The following MAP4K5 variants were observed in gnomAD, a reference collection of about 807,000 sequenced individuals.
MAP4K5 encodes the protein MAPK/ERK kinase kinase kinase 5.
Under a neutral mutation model 135.6 loss-of-function variants are expected in MAP4K5, and 82 were observed. That is an observed-to-expected ratio of 0.60 (90% confidence interval 0.51 to 0.73). The LOEUF is 0.73. MAP4K5 is among the 30% of genes least tolerant of loss of function. The pLI is 0.00. For missense variants in MAP4K5, 907 were observed against 1,010.9 expected, an observed-to-expected ratio of 0.90 and a Z score of 1.39; for synonymous variants, 347 against 335.0, an observed-to-expected ratio of 1.04 and a Z score of -0.39.
chr14:50,429,287 A>T, intron 28 of MAP4K5, 27 bp from the exon 29 acceptor site: 1 of 1,423,876 alleles, frequency 7.0e-7, no homozygotes, highest in Non-Finnish European at 9.6e-7. Flanking sequence ...CAAGGTTACA[A>T]TTATACTTTT....
chr14:50,483,672 T>C (rs2037301270), intron 5 of MAP4K5, among the ~76,000 whole-genome samples: 1 of 148,312 alleles, frequency 6.7e-6, no homozygotes, highest in Non-Finnish European at 1.5e-5. Context: ...AGTCAGAATT[T>C]CATGAAAAAA....
chr14:50,534,209 C>T (rs748833498), upstream of MAP4K5, among the ~76,000 whole-genome samples: 4 of 152,108 alleles, frequency 2.6e-5, no homozygotes, highest in Admixed American at 6.6e-5. Flanking sequence ...TGCGTTACTC[C>T]AGGGAATTTC....
intron 10 of MAP4K5, 153 bp downstream of exon 10, chr14:50,468,498 C>T (rs2139837749): frequency 2.9e-6 from 2 of 691,312 alleles, no homozygotes; most frequent in East Asian, 2.8e-5. Context: ...TCGGACTAGC[C>T]CACAATAGGT....
Position 50,456,582 on chromosome 14 carries a change from T to C in MAP4K5, c.949A>G (p.Ile317Val), listed in dbSNP as rs2036599258. 6.4e-7 allele frequency: 1 copy of C among 1,572,272 alleles called. No homozygotes were observed. Among genetic ancestry groups the C allele is most frequent in the African/African-American group, 1.3e-5 (1 of 74,092 alleles). ...TTTGTAGATCTAATGGTATGACGAA[T>C]GATTGCATGGGGCTGTGAATATAAG... ...DDDDFEPHAI[I>V]RHTIRSTNRN... is the part of the protein sequence containing the mutation. The change falls in exon 14 of 33, where the codon ATT becomes GTT. Residue 317 changes from isoleucine (I) to valine (V), a missense_variant. Physicochemically the swap from Ile to Val is conservative, Grantham distance 29. Around this residue, in one of 3 missense-constraint regions of MAP4K5, gnomAD observed 690 missense variants for 777.4 expected, o/e 0.89. Coordinates refer to ENST00000682126, the MANE Select transcript of MAP4K5 (RefSeq NM_006575.6).
At chr14:50,433,945 T>A (rs2036031728) in intron 28 of MAP4K5, among the ~76,000 whole-genome samples, 2 of 152,204 alleles carry the variant, frequency 1.3e-5, no homozygotes, top group Non-Finnish European at 2.9e-5. Flanking sequence ...TATGTCTGAT[T>A]TAAATGGAAA....
chr14:50,497,718 A>G (rs28718967), intron 3 of MAP4K5, among the ~76,000 whole-genome samples: 2,249 of 152,338 alleles, frequency 0.015, 44 homozygotes, highest in African/African-American at 0.052. Context: ...ACATCTATTC[A>G]AAGATATTTA....
At chr14:50,459,657 C>T (rs2036665695) in intron 13 of MAP4K5, among the ~76,000 whole-genome samples, 1 of 151,864 alleles carries the variant, frequency 6.6e-6, no homozygotes, top group Non-Finnish European at 1.5e-5. Flanking sequence ...CTTCCTTCTT[C>T]CTTGTTTTCT....
Position 50,476,177 on chromosome 14 carries a change from CA to C in MAP4K5, c.427-8del. 6.7e-7 allele frequency: 1 copy of C among 1,501,260 alleles called. No homozygotes were observed. Among genetic ancestry groups the C allele is most frequent in the Non-Finnish European group, 9.0e-7 (1 of 1,113,314 alleles). 93.0% of individuals were successfully genotyped at this position (1,501,260 alleles called of 1,614,324 possible). On this transcript the variant is annotated splice_region_variant and splice_polypyrimidine_tract_variant and intron_variant, in intron 7 of 32. Transcript: ENST00000682126. Reference sequence around the variant, plus strand: ...TCAATAAAATATTAGCACCCTAGAACAAAAATACAAATACAATTAAATTAGC... The same window carrying C: ...TCAATAAAATATTAGCACCCTAGAACAAAATACAAATACAATTAAATTAGC...
chr14:50,474,405 A>C (rs903823478), intron 9 of MAP4K5, among the ~76,000 whole-genome samples: 2 of 152,014 alleles, frequency 1.3e-5, no homozygotes, highest in Non-Finnish European at 2.9e-5. Context: ...AAAAAAAAAG[A>C]ATCTAACCTT....
At chr14:50,460,208 C>T (rs937135791) in intron 13 of MAP4K5, among the ~76,000 whole-genome samples, 3 of 152,058 alleles carry the variant, frequency 2.0e-5, no homozygotes, top group East Asian at 1.9e-4. Flanking sequence ...CACCTTTTAC[C>T]TCCCATTCCA....
chr14:50,479,515 C>T (rs1054810179), intron 6 of MAP4K5, among the ~76,000 whole-genome samples: 4 of 152,076 alleles, frequency 2.6e-5, no homozygotes, highest in African/African-American at 9.7e-5. Context: ...TAATTTCATC[C>T]TTTGTTAATT....
chr14:50,444,640 C>T (rs1464612939), intron 18 of MAP4K5, among the ~76,000 whole-genome samples: 6 of 152,104 alleles, frequency 3.9e-5, no homozygotes, highest in African/African-American at 1.4e-4. Flanking sequence ...CTTTATCTCC[C>T]TCAGAAATCT....
intron 6 of MAP4K5, among the ~76,000 whole-genome samples, chr14:50,480,403 C>CTTTTTTTTT (rs11412178): frequency 7.0e-6 from 1 of 143,396 alleles, no homozygotes; most frequent in Non-Finnish European, 1.5e-5. Flanking sequence ...CTCATTCTTT[C>CTTTTTTTTT]TTTTTTTTTT....
In MAP4K5 at chr14:50,531,901, C is replaced by G. The variant is rs374201669; in HGVS notation, c.108+41G>C. 3.3e-4 allele frequency: 457 copies of G among 1,374,542 alleles called. 2 individuals are homozygous for G. The South Asian group carries it at 4.2e-3, about 13-fold the overall frequency. The allele number at this position is 1,374,542 out of a possible 1,614,324, so 85.1% of individuals were successfully genotyped here. ...AGGAAAGTGGCCCCATTCCCGGGAC[C>G]CAGTCGACCGCAGGAAAAAAGCACG... On this transcript the variant is annotated intron_variant, in intron 2 of 32. Transcript: ENST00000682126.
chr14:50,457,057 GAAT>G (rs556419181), intron 13 of MAP4K5, among the ~76,000 whole-genome samples: 63 of 152,266 alleles, frequency 4.1e-4, no homozygotes, highest in African/African-American at 1.4e-3. Flanking sequence ...ACAGCAGAAA[GAAT>G]AAGAACAAAG....
chr14:50,508,408 C>T (rs1273212304), intron 2 of MAP4K5, among the ~76,000 whole-genome samples: 1 of 152,030 alleles, frequency 6.6e-6, no homozygotes, highest in Non-Finnish European at 1.5e-5. Flanking sequence ...GACTTCATGT[C>T]CTTTGTAGGG....
In MAP4K5 at chr14:50,434,970, A is replaced by G. The variant is rs376852703; in HGVS notation, c.1978T>C (p.Leu660=). Residue 660 remains leucine, a synonymous_variant, in exon 27 of 33, where the codon TTG becomes CTG. Coordinates refer to ENST00000682126, the MANE Select transcript of MAP4K5 (RefSeq NM_006575.6). ...AACAAAATAATATATACCTTTATCA[A>G]CATGAATTTCTGCATTGGCTCATAC... ...QWYEPMQKFM[L]IKHFDFPLPS... The G allele has an allele frequency of 3.8e-6, 6 of 1,597,400 alleles. No individual in the cohort carries two copies. The highest frequency in any genetic ancestry group is 1.7e-5 in the Admixed American group (1 of 59,562).
chr14:50,477,139 T>G (rs1277375069), intron 6 of MAP4K5, among the ~76,000 whole-genome samples: 1 of 152,194 alleles, frequency 6.6e-6, no homozygotes, highest in East Asian at 1.9e-4. Flanking sequence ...CTCCATTTAT[T>G]TGGGTTTTTA....
At chr14:50,423,285 A>C in intron 31 of MAP4K5, 109 bp from the exon 32 acceptor site, 1 of 530,312 alleles carries the variant, frequency 1.9e-6, no homozygotes, top group Non-Finnish European at 3.4e-6. Context: ...TTTTTGGTAG[A>C]CTTAATTCCT....
Sources: gnomAD v4.1 joint callset for allele counts (sites outside exome capture counted in the v4.1 genomes callset) on GRCh38, gnomAD v4.1.1 for gene constraint, gnomAD v4.1.1 regional missense constraint, MANE v1.5 for transcripts, NCBI Gene and HGNC (gene_info 2026-07-23, HGNC 2026-07-21) for gene names.